SPTA1: variants seen among roughly 807,000 people sequenced by gnomAD.
SPTA1 encodes spectrin alpha chain, erythrocytic 1.
In SPTA1, 177 loss-of-function variants were observed where a neutral mutation model predicts 324.7. The observed-to-expected ratio is 0.55, with a 90% CI of 0.48 to 0.62. The LOEUF (loss-of-function observed/expected upper bound fraction) is 0.62, where lower values mean the gene tolerates loss of function less well. SPTA1 is among the 20% of genes least tolerant of loss of function. SPTA1 has a pLI of 0.00. For missense variants in SPTA1, 3,162 were observed against 2,883.6 expected (o/e 1.10, Z -2.21); for synonymous variants, 1,195 against 1,041.3 (o/e 1.15, Z -2.84).
chr1:158,644,073 G>A (rs1331481549), intron 30 of SPTA1, among the ~76,000 whole-genome samples, 180 bp downstream of exon 30: 1 of 150,576 alleles, frequency 6.6e-6, no homozygotes, highest in African/African-American at 2.4e-5. Context: ...GGAGGCAGAG[G>A]TTGCAGTCAG....
intron 47 of SPTA1, among the ~76,000 whole-genome samples, chr1:158,616,888 G>C (rs371240297): frequency 3.9e-5 from 6 of 151,944 alleles, no homozygotes; most frequent in African/African-American, 1.4e-4. Flanking sequence ...ATCTTCACCA[G>C]CATCCATTAT....
intron 37 of SPTA1, 58 bp from the exon 38 acceptor site, chr1:158,636,092 T>C: frequency 6.2e-7 from 1 of 1,613,812 alleles, no homozygotes; most frequent in Non-Finnish European, 8.5e-7. Flanking sequence ...CATTTAGCCA[T>C]AGTCCCTGAG....
At chr1:158,634,403 A>T in intron 39 of SPTA1, 140 bp downstream of exon 39, 2 of 1,303,850 alleles carry the variant, frequency 1.5e-6, no homozygotes, top group Non-Finnish European at 2.2e-6. Flanking sequence ...TTTCGTATTT[A>T]AAACTGTCAG....
intron 32 of SPTA1, 133 bp downstream of exon 32, chr1:158,642,681 C>G (rs898373507): frequency 1.3e-6 from 2 of 1,571,334 alleles, no homozygotes; most frequent in Non-Finnish European, 1.7e-6. Context: ...TGCTCCACAT[C>G]AGACTCTGAA....
At chr1:158,656,274 TGAA>T (rs1652818422) in intron 20 of SPTA1, among the ~76,000 whole-genome samples, 1 of 151,490 alleles carries the variant, frequency 6.6e-6, no homozygotes, top group Admixed American at 6.6e-5. Context: ...GAGACATAAA[TGAA>T]GAAAAGTAAG....
chr1:158,659,015 A>G (rs1410041170), intron 18 of SPTA1, among the ~76,000 whole-genome samples: 2 of 152,084 alleles, frequency 1.3e-5, no homozygotes, highest in African/African-American at 2.4e-5. Context: ...TTCAAGCAGA[A>G]GAAAAATAAT....
At position 158,667,991 on chromosome 1, in the gene SPTA1, G is replaced by C. The variant is rs767004563; in HGVS notation, c.1905C>G (p.Thr635=). The C allele has an allele frequency of 1.2e-6, 2 of 1,613,354 alleles. No individual in the cohort carries two copies. Among genetic ancestry groups the C allele is most frequent in the South Asian group, 2.2e-5 (2 of 91,048 alleles). The change falls in exon 15 of 52, where the codon ACC becomes ACG. Residue 635 remains threonine (T), a synonymous_variant. Transcript: ENST00000643759. ...VFEKELAVNK[T]QLENIQKTGQ... is the part of the protein sequence containing the mutation. ...CAGTTTTCTGTATGTTTTCCAGCTG[G>C]GTCTTATTAACTGCCAACTCCTTTT...
chr1:158,611,551 T>A, intron 51 of SPTA1, 162 bp from the exon 52 acceptor site: 2 of 691,678 alleles, frequency 2.9e-6, no homozygotes, highest in Admixed American at 6.2e-5. Flanking sequence ...ATTTATAATT[T>A]CTAATGAGTA....
At chr1:158,671,159 T>C (rs998641935) in intron 12 of SPTA1, among the ~76,000 whole-genome samples, 184 bp downstream of exon 12, 1 of 152,166 alleles carries the variant, frequency 6.6e-6, no homozygotes, top group Admixed American at 6.5e-5. Context: ...GTTTATAAAA[T>C]TAAAGAGTTT....
chr1:158,653,130 A>G (rs1336564431), intron 22 of SPTA1, 144 bp downstream of exon 22: 10 of 1,339,084 alleles, frequency 7.5e-6, no homozygotes, highest in African/African-American at 1.5e-5. Flanking sequence ...CATTTAAAAG[A>G]TTCTAGGTTT....
intron 15 of SPTA1, 126 bp from the exon 16 acceptor site, chr1:158,666,623 G>C: frequency 1.2e-6 from 1 of 800,464 alleles, no homozygotes; most frequent in Non-Finnish European, 2.0e-6. Context: ...AAATATAACT[G>C]TCTCACATGT....
intron 23 of SPTA1, 108 bp downstream of exon 23, chr1:158,652,359 T>C: frequency 7.7e-7 from 1 of 1,298,516 alleles, no homozygotes; most frequent in African/African-American, 1.5e-5. Context: ...CCAATAGCTT[T>C]GGGGAGAATA....
rs748022370 is a variant in SPTA1 at position 158,639,924 on chromosome 1, A to G, written c.4821T>C (p.Ser1607=). The change falls in exon 34 of 52, where the codon AGT becomes AGC. Residue 1607 remains serine (S), a synonymous_variant. Coordinates refer to ENST00000643759, the MANE Select transcript of SPTA1 (RefSeq NM_003126.4). ...TGCTTGTGTTGAACCTCTGTTGACGACTGGCCTCATTGAGCTTCTTCCCTT... is the reference window on the plus strand; with the variant it reads ...TGCTTGTGTTGAACCTCTGTTGACGGCTGGCCTCATTGAGCTTCTTCCCTT... ...NDKGKKLNEA[S]RQQRFNTSIR... is the part of the protein sequence containing the mutation. 6.2e-7 allele frequency: 1 copy of G among 1,613,974 alleles called. No individual in the cohort carries two copies. The highest frequency in any genetic ancestry group is 8.5e-7 in the Non-Finnish European group (1 of 1,179,924).
chr1:158,678,524 G>A lies in SPTA1; in HGVS notation c.689C>T (p.Pro230Leu). Residue 230 changes from proline to leucine, a missense_variant, in exon 6 of 52, where the codon CCT (proline) becomes CTT (leucine). By Grantham distance (98) the Pro-to-Leu change is moderately conservative. Transcript: ENST00000643759. Reference sequence around the variant, plus strand: ...CTTAGACTGAATTAAGGGTAGGTCAGGATGGTTTTCCTGTTGAAGGAAAAC... The same window carrying A: ...CTTAGACTGAATTAAGGGTAGGTCAAGATGGTTTTCCTGTTGAAGGAAAAC... ...YANECAEENH[P>L]DLPLIQSKQN... The A allele has an allele frequency of 1.2e-6, 2 of 1,613,416 alleles. No homozygotes were observed. Among genetic ancestry groups the A allele is most frequent in the Non-Finnish European group, 1.7e-6 (2 of 1,179,632 alleles).
At chr1:158,639,181 CAG>C (rs1557943437) in intron 35 of SPTA1, 1 of 207,888 alleles carries the variant, frequency 4.8e-6, no homozygotes, top group Non-Finnish European at 9.8e-6. Flanking sequence ...ACAGGATTTC[CAG>C]AGTGTTTGTG....
At chr1:158,678,910 G>T (rs1360961804) in intron 5 of SPTA1, among the ~76,000 whole-genome samples, 1 of 152,118 alleles carries the variant, frequency 6.6e-6, no homozygotes, top group Admixed American at 6.6e-5. Context: ...TTTTCTCAAA[G>T]ACTAGTGCTG....
At chr1:158,663,041 G>A in intron 16 of SPTA1, 96 bp from the exon 17 acceptor site, 1 of 1,512,708 alleles carries the variant, frequency 6.6e-7, no homozygotes, top group Non-Finnish European at 9.1e-7. Context: ...GGGAAAATCA[G>A]TTCCCATATG....
intron 10 of SPTA1, 106 bp from the exon 11 acceptor site, chr1:158,672,302 A>T: frequency 8.0e-7 from 1 of 1,244,358 alleles, no homozygotes; most frequent in Non-Finnish European, 1.1e-6. Flanking sequence ...ACAAAAATAA[A>T]CAGCAAATGG....
At chr1:158,643,052 C>T (rs1651732604) in intron 31 of SPTA1, 76 bp from the exon 32 acceptor site, 2 of 1,586,118 alleles carry the variant, frequency 1.3e-6, no homozygotes, top group African/African-American at 1.3e-5. Flanking sequence ...ATAAATCTTC[C>T]CATTTGCCAA....
Sources: gnomAD v4.1 joint callset for allele counts (sites outside exome capture counted in the v4.1 genomes callset) on GRCh38, gnomAD v4.1.1 for gene constraint, MANE v1.5 for transcripts, NCBI Gene and HGNC (gene_info 2026-07-23, HGNC 2026-07-21) for gene names.